PFDN1: variants seen among roughly 807,000 people sequenced by gnomAD.
PFDN1 encodes the protein prefoldin 1.
PFDN1 carries 6 observed loss-of-function variants against 17.3 expected under a neutral mutation model. The ratio of observed to expected loss-of-function variants is 0.35; its 90% CI spans 0.19 to 0.69. The LOEUF is 0.69. Among genes scored for constraint, PFDN1 ranks in the 30% least tolerant of loss-of-function variants. The probability of loss-of-function intolerance (pLI) is 0.65; values close to 1 mark genes in which losing one functional copy is unlikely to be tolerated. For synonymous variants in PFDN1, 58 were observed against 50.1 expected, an observed-to-expected ratio of 1.16 and a Z score of -0.67; for missense variants, 113 against 146.2, an observed-to-expected ratio of 0.77 and a Z score of 1.17.
chr5:140,264,696 T>C (rs1765112349), intron 3 of PFDN1, among the ~76,000 whole-genome samples: 1 of 151,722 alleles, frequency 6.6e-6, no homozygotes, highest in South Asian at 2.1e-4. Flanking sequence ...ACAGAATTAA[T>C]TATCTGAGCA....
chr5:140,262,586 C>G (rs887338533), intron 3 of PFDN1: 15 of 455,188 alleles, frequency 3.3e-5, no homozygotes, highest in Non-Finnish European at 8.8e-6. Flanking sequence ...AATGTTTGTG[C>G]TTCATATGGA....
At chr5:140,278,151 T>C (rs968616271) in intron 3 of PFDN1, among the ~76,000 whole-genome samples, 1 of 151,698 alleles carries the variant, frequency 6.6e-6, no homozygotes, top group African/African-American at 2.4e-5. Flanking sequence ...GAGGCTGCAG[T>C]GAGCCAAGAT....
At chr5:140,251,060 G>A (rs192613517) in intron 3 of PFDN1, among the ~76,000 whole-genome samples, 77 of 151,924 alleles carry the variant, frequency 5.1e-4, no homozygotes, top group Admixed American at 4.1e-3. Context: ...TCAGCCTCCC[G>A]AGTAGCTGAG....
intron 3 of PFDN1, among the ~76,000 whole-genome samples, chr5:140,266,915 A>G (rs1341832873): frequency 2.0e-5 from 3 of 152,292 alleles, no homozygotes; most frequent in Admixed American, 1.3e-4. Flanking sequence ...GCAGAGCTTT[A>G]TGCTGCAGTG....
chr5:140,267,696 G>A (rs958037347), intron 3 of PFDN1, among the ~76,000 whole-genome samples: 11 of 151,452 alleles, frequency 7.3e-5, no homozygotes, highest in Non-Finnish European at 5.9e-5. Flanking sequence ...GACAACGCCC[G>A]ACAACTAAAC....
intron 3 of PFDN1, among the ~76,000 whole-genome samples, chr5:140,276,436 A>T (rs940114093): frequency 2.0e-5 from 3 of 152,162 alleles, no homozygotes; most frequent in Non-Finnish European, 4.4e-5. Flanking sequence ...CCAAGTGGAG[A>T]TAACTACTTT....
At chr5:140,282,404 A>ATT (rs34979639) in intron 2 of PFDN1, among the ~76,000 whole-genome samples, 4 of 136,886 alleles carry the variant, frequency 2.9e-5, no homozygotes, top group Non-Finnish European at 3.2e-5. Flanking sequence ...GCGCCCCTCC[A>ATT]TTTTTTTTTT....
At chr5:140,300,289 A>G (rs1366801877) in intron 2 of PFDN1, 127 bp downstream of exon 2, 34 of 673,836 alleles carry the variant, frequency 5.0e-5, no homozygotes, top group Non-Finnish European at 6.9e-5. Context: ...TCGACCTCCC[A>G]AAGTGCCAGG....
intron 3 of PFDN1, among the ~76,000 whole-genome samples, chr5:140,275,424 AG>A (rs1342963128): frequency 6.6e-6 from 1 of 150,698 alleles, no homozygotes; most frequent in Non-Finnish European, 1.5e-5. Context: ...AAAAAAAAAA[AG>A]ACAGTGCTTG....
chr5:140,267,753 C>CA (rs10657250), intron 3 of PFDN1, among the ~76,000 whole-genome samples: 36,748 of 147,768 alleles, frequency 0.25, 4,528 homozygotes, highest in African/African-American at 0.3. Context: ...ATACTACCAG[C>CA]AAAAAAAAAA....
At chr5:140,281,144 T>C in intron 3 of PFDN1, 1 of 218,992 alleles carries the variant, frequency 4.6e-6, no homozygotes, top group Non-Finnish European at 9.0e-6. Context: ...TTACATTTTG[T>C]TTATGGTTTT....
In PFDN1 at chr5:140,245,342, G is replaced by C. The variant is rs1764812937; in HGVS notation, c.*632C>G. ...GTTGAACTTCCTTTTGGAATGTATG[G>C]GAGAAGGCAGGGAAAGGAATCTTTA... On this transcript the variant is annotated 3_prime_UTR_variant, in exon 4 of 4. Transcript: ENST00000261813. 10 of 648,120 alleles carry C rather than the reference G, an allele frequency of 1.5e-5. No homozygotes were observed. The highest frequency in any genetic ancestry group is 2.2e-5 in the Non-Finnish European group (8 of 357,108). 40.1% of individuals were successfully genotyped at this position (648,120 alleles called of 1,614,324 possible).
chr5:140,285,883 A>G (rs2126695694), intron 2 of PFDN1, among the ~76,000 whole-genome samples: 1 of 152,276 alleles, frequency 6.6e-6, no homozygotes, highest in African/African-American at 2.4e-5. Context: ...ATGCACCTGT[A>G]GTCCTAGCTA....
intron 3 of PFDN1, among the ~76,000 whole-genome samples, chr5:140,246,820 G>C (rs1007868057): frequency 9.8e-5 from 15 of 152,332 alleles, no homozygotes; most frequent in African/African-American, 3.4e-4. Flanking sequence ...GGTTTTACCA[G>C]TGGTCCTTGC....
intron 3 of PFDN1, among the ~76,000 whole-genome samples, chr5:140,257,689 T>C (rs1209374511): frequency 6.6e-6 from 1 of 152,174 alleles, no homozygotes; most frequent in Non-Finnish European, 1.5e-5. Context: ...GCTATAACCC[T>C]AGCACCAAGA....
chr5:140,273,653 TAACA>T (rs1765246133), intron 3 of PFDN1, among the ~76,000 whole-genome samples: 1 of 152,168 alleles, frequency 6.6e-6, no homozygotes, highest in African/African-American at 2.4e-5. Context: ...GTCAAGACTT[TAACA>T]GTTTTTTTTT....
At chr5:140,260,063 T>A (rs1436830037) in intron 3 of PFDN1, among the ~76,000 whole-genome samples, 1 of 152,084 alleles carries the variant, frequency 6.6e-6, no homozygotes, top group African/African-American at 2.4e-5. Context: ...ACCGGCCAGA[T>A]GCAGTGTTGC....
rs73257061 is a variant in PFDN1, at chr5:140,247,646, T to C, written c.286-1589A>G. ...TCCTTGGAACACAACAGGAGCTCCA[T>C]AAAAACTCATGGCCAGACACAGTGG... is the stretch of plus-strand genomic sequence containing the variant. On this transcript the variant is annotated intron_variant, in intron 3 of 3. Coordinates refer to ENST00000261813, the MANE Select transcript of PFDN1 (RefSeq NM_002622.5). Among the ~76,000 whole-genome samples the C allele has an allele frequency of 8.8e-3, 1,338 of 152,292 alleles. 17 individuals carry two copies. Among genetic ancestry groups the C allele is most frequent in the African/African-American group, 0.03 (1,263 of 41,554 alleles).
intron 3 of PFDN1, among the ~76,000 whole-genome samples, chr5:140,248,130 G>A (rs1032298146): frequency 6.7e-6 from 1 of 149,800 alleles, no homozygotes. Flanking sequence ...GTGCAATGGC[G>A]CCATCTCGGC....
Sources: gnomAD v4.1 joint callset for allele counts (sites outside exome capture counted in the v4.1 genomes callset) on GRCh38, gnomAD v4.1.1 for gene constraint, MANE v1.5 for transcripts, NCBI Gene and HGNC (gene_info 2026-07-23, HGNC 2026-07-21) for gene names.